Variants in SLC22A23 observed in about 807,000 individuals in gnomAD.
SLC22A23 encodes solute carrier family 22 member 23.
A neutral mutation model predicts 61.0 loss-of-function variants in SLC22A23; 26 were observed. The observed-to-expected ratio is 0.43, with a 90% CI of 0.31 to 0.59. SLC22A23 has a LOEUF of 0.59. Among genes scored for constraint, SLC22A23 ranks in the 20% least tolerant of loss-of-function variants. The pLI is 0.11. For synonymous variants in SLC22A23, 430 were observed against 413.9 expected, an observed-to-expected ratio of 1.04 and a Z score of -0.47; for missense variants, 796 against 934.7, an observed-to-expected ratio of 0.85 and a Z score of 1.94.
At chr6:3,440,318 C>T (rs896297935) in intron 1 of SLC22A23, among the ~76,000 whole-genome samples, 16 of 152,290 alleles carry the variant, frequency 1.1e-4, no homozygotes, top group Admixed American at 8.5e-4. Context: ...CAGAATGTGA[C>T]TGTGTTTCAA....
intron 3 of SLC22A23, among the ~76,000 whole-genome samples, chr6:3,361,837 A>T (rs1765468433): frequency 6.6e-6 from 1 of 152,218 alleles, no homozygotes. Flanking sequence ...AGCGGGAAAC[A>T]CGTGCCGGTT....
intron 3 of SLC22A23, among the ~76,000 whole-genome samples, chr6:3,368,756 C>T (rs973626986): frequency 6.6e-6 from 1 of 152,182 alleles, no homozygotes; most frequent in Non-Finnish European, 1.5e-5. Flanking sequence ...TGAGGAAAGA[C>T]AGCCAAGATT....
Position 3,283,875 on chromosome 6 carries a change from C to A in SLC22A23, c.1680G>T (p.Ala560=), listed in dbSNP as rs1326418553. The A allele has an allele frequency of 1.2e-6, 2 of 1,613,778 alleles. No homozygotes were observed. Among genetic ancestry groups the A allele is most frequent in the Admixed American group, 3.3e-5 (2 of 60,020 alleles). ...ACCTTATCACCGTCGGGGTGATCTC[C>A]GCACAGAAGAACACGCTGAGGCTCC... ...AVGSLSVFFC[A]EITPTVIRCG... Residue 560 remains alanine, a synonymous_variant, in exon 9 of 10, where the codon GCG becomes GCT. Transcript: ENST00000406686.
intron 9 of SLC22A23, among the ~76,000 whole-genome samples, chr6:3,280,600 A>G (rs1261117525): frequency 2.1e-5 from 3 of 142,404 alleles, no homozygotes; most frequent in African/African-American, 8.0e-5. Context: ...GGTTCACGCC[A>G]TTCTCCTGCC....
At chr6:3,402,499 C>G (rs1459494258) in intron 3 of SLC22A23, among the ~76,000 whole-genome samples, 1 of 136,976 alleles carries the variant, frequency 7.3e-6, no homozygotes, top group South Asian at 2.2e-4. Flanking sequence ...TGCACTAGGC[C>G]CCAGCCAACC....
chr6:3,289,677 T>C, intron 6 of SLC22A23, 87 bp downstream of exon 6: 1 of 1,053,772 alleles, frequency 9.5e-7, no homozygotes, highest in Non-Finnish European at 1.4e-6. Flanking sequence ...TTCAGCGGGG[T>C]GGGGAGCAGG....
chr6:3,408,814 C>T (rs566438096), intron 3 of SLC22A23, among the ~76,000 whole-genome samples: 5 of 152,338 alleles, frequency 3.3e-5, no homozygotes, highest in East Asian at 1.9e-4. Context: ...TGACCATCCA[C>T]GTGAGAGGAC....
At position 3,329,359 on chromosome 6, in the gene SLC22A23, T is replaced by C. The variant is rs1223314797; in HGVS notation, c.914-5357A>G. Among the ~76,000 whole-genome samples the C allele has an allele frequency of 6.6e-6, 1 of 152,224 alleles. No individual in the cohort carries two copies. Among genetic ancestry groups the C allele is most frequent in the Non-Finnish European group, 1.5e-5 (1 of 68,048 alleles). On this transcript the variant is annotated intron_variant, in intron 3 of 9. Transcript: ENST00000406686. This position sits in a 1 kb window ranked among gnomAD's most constrained non-coding sequence, Gnocchi z 4.8. ...AGAAACTCTTGAATGCTTATGACCA[T>C]AGAGAGAATATACATTTTCTTGGGA...
chr6:3,396,918 A>G (rs554626651), intron 3 of SLC22A23, among the ~76,000 whole-genome samples: 1 of 140,198 alleles, frequency 7.1e-6, no homozygotes, highest in East Asian at 2.0e-4. Context: ...CCCAGGATAC[A>G]GAAAGCCCTG....
At chr6:3,444,223 T>C (rs1052038944) in intron 1 of SLC22A23, among the ~76,000 whole-genome samples, 2 of 152,108 alleles carry the variant, frequency 1.3e-5, no homozygotes, top group African/African-American at 4.8e-5. Context: ...CCTGTCAATC[T>C]CTAAATCACT....
intron 3 of SLC22A23, among the ~76,000 whole-genome samples, chr6:3,402,231 C>G (rs188233881): frequency 3.3e-4 from 50 of 152,296 alleles, no homozygotes; most frequent in African/African-American, 1.1e-3. Context: ...CTAGCTTGGC[C>G]TTCTTTTCCT....
In SLC22A23 at chr6:3,441,661, C is replaced by T. The variant is rs183079882; in HGVS notation, c.654+14245G>A. Among the ~76,000 whole-genome samples the T allele has an allele frequency of 2.6e-4, 39 of 152,322 alleles. 1 individual carries two copies. The highest frequency in any genetic ancestry group is 1.8e-3 in the Admixed American group (28 of 15,308). On this transcript the variant is annotated intron_variant, in intron 1 of 9. Transcript: ENST00000406686. ...ACCTTGTCCTGTTCTTGGGCCAAGG[C>T]ACCTCACAGTGCACTGCACCTGCCC...
In SLC22A23 at chr6:3,297,040, C is replaced by T. The variant is rs1761169422; in HGVS notation, c.1210+1051G>A. ...CTCTGACTGTAGTCCCTCCCTGCCA[C>T]CCTCTATCCCACAGCCCTGCTGTTT... On this transcript the variant is annotated intron_variant, in intron 5 of 9. Coordinates refer to ENST00000406686, the MANE Select transcript of SLC22A23 (RefSeq NM_015482.2). The surrounding 1 kb of genome is among the most constrained non-coding windows in gnomAD (Gnocchi z 4.3). 6.6e-6 allele frequency among the ~76,000 whole-genome samples: 1 copy of T among 152,244 alleles called. No individual in the cohort carries two copies. The highest frequency in any genetic ancestry group is 1.5e-5 in the Non-Finnish European group (1 of 68,046).
intron 9 of SLC22A23, among the ~76,000 whole-genome samples, chr6:3,279,967 T>C (rs143162551): frequency 2.0e-5 from 3 of 152,330 alleles, no homozygotes; most frequent in Non-Finnish European, 2.9e-5. Context: ...ATCAAATTGC[T>C]GTTAGCCATG....
chr6:3,390,287 C>T lies in SLC22A23; in HGVS notation c.913+19901G>A, dbSNP rs576109819. On this transcript the variant is annotated intron_variant, in intron 3 of 9. Transcript: ENST00000406686. This position sits in a 1 kb window ranked among gnomAD's most constrained non-coding sequence, Gnocchi z 4.0. Reference sequence around the variant, plus strand: ...ACACTCAGCCATCTCAGGTAATTGGCCTCAATCACAGAATACTACTCAATT... The same window carrying T: ...ACACTCAGCCATCTCAGGTAATTGGTCTCAATCACAGAATACTACTCAATT... Among the ~76,000 whole-genome samples the T allele has an allele frequency of 2.0e-5, 3 of 152,300 alleles. No homozygotes were observed. The South Asian group carries it at 6.2e-4, about 32-fold the overall frequency.
chr6:3,282,387 C>T (rs779159655), intron 9 of SLC22A23: 9 of 692,558 alleles, frequency 1.3e-5, no homozygotes, highest in Non-Finnish European at 1.8e-5. Flanking sequence ...CATTTCTGTC[C>T]AGGTGCCCAG....
chr6:3,442,859 C>T (rs752534142), intron 1 of SLC22A23, among the ~76,000 whole-genome samples: 13 of 152,118 alleles, frequency 8.5e-5, no homozygotes, highest in South Asian at 2.1e-4. Context: ...AGCATTCCTA[C>T]GACTTAACAT....
chr6:3,438,867 A>T (rs1194587069), intron 1 of SLC22A23, among the ~76,000 whole-genome samples: 1 of 152,184 alleles, frequency 6.6e-6, no homozygotes, highest in East Asian at 1.9e-4. Flanking sequence ...GAGGGCAGGG[A>T]ACCGTGGCTG....
chr6:3,428,927 C>T (rs1770678859), intron 1 of SLC22A23, among the ~76,000 whole-genome samples: 2 of 152,096 alleles, frequency 1.3e-5, no homozygotes, highest in Non-Finnish European at 1.5e-5. Context: ...GAGCCTTTAG[C>T]ATGTTAATGT....
Sources: gnomAD v4.1 joint callset for allele counts (sites outside exome capture counted in the v4.1 genomes callset) on GRCh38, gnomAD v4.1.1 for gene constraint, Gnocchi (gnomAD v3.1) non-coding constraint, MANE v1.5 for transcripts, NCBI Gene and HGNC (gene_info 2026-07-23, HGNC 2026-07-21) for gene names.